The following RIPOR2 variants were observed in gnomAD, a reference collection of about 807,000 sequenced individuals.
RIPOR2 encodes the protein rho family-interacting cell polarization regulator 2.
RIPOR2 carries 39 observed loss-of-function variants against 114.5 expected under a neutral mutation model. That is an observed-to-expected ratio of 0.34 (90% CI 0.26 to 0.44). The LOEUF (loss-of-function observed/expected upper bound fraction) is 0.44. Ranked by LOEUF, RIPOR2 falls within the 20% of genes least tolerant of loss-of-function variation. The pLI, the probability that RIPOR2 is intolerant of heterozygous loss-of-function variation, is 1.00. For synonymous variants in RIPOR2, 445 were observed against 484.4 expected, an observed-to-expected ratio of 0.92 and a Z score of 1.07; for missense variants, 1,007 against 1,255.1, an observed-to-expected ratio of 0.80 and a Z score of 2.99.
chr6:24,914,441 G>T (rs188758083), intron 1 of RIPOR2, among the ~76,000 whole-genome samples: 1 of 152,336 alleles, frequency 6.6e-6, no homozygotes, highest in East Asian at 1.9e-4. Flanking sequence ...CTCTGCTAAG[G>T]GCCGGAGGTA....
chr6:24,983,847 C>A (rs552573761), intron 1 of RIPOR2, among the ~76,000 whole-genome samples: 4 of 150,008 alleles, frequency 2.7e-5, no homozygotes, highest in South Asian at 2.1e-4. Flanking sequence ...CTTTTCTGAG[C>A]CTCTGCAGCT....
intron 18 of RIPOR2, among the ~76,000 whole-genome samples, chr6:24,825,641 T>A (rs1344267093): frequency 1.3e-5 from 2 of 152,114 alleles, no homozygotes; most frequent in Non-Finnish European, 2.9e-5. Flanking sequence ...GCAAAACACA[T>A]GGGAAAAAGT....
intron 1 of RIPOR2, among the ~76,000 whole-genome samples, chr6:24,979,299 T>C (rs1317942292): frequency 6.6e-6 from 1 of 150,824 alleles, no homozygotes; most frequent in Non-Finnish European, 1.5e-5. Context: ...TTTTTTTTTT[T>C]TTTTTTGCTG....
rs1306545993 is a variant in RIPOR2, at chr6:24,942,383, G to A, written c.77-66566C>T. Among the ~76,000 whole-genome samples, 4 of 152,220 alleles carry A rather than the reference G, an allele frequency of 2.6e-5. No individual in the cohort carries two copies. The East Asian group carries it at 5.8e-4, about 22-fold the overall frequency. ...AAAGAGATTGGATATTAGAGAAAACGCTGACATAAAGACCTTTAAAAAGCC... is the reference window on the plus strand; with the variant it reads ...AAAGAGATTGGATATTAGAGAAAACACTGACATAAAGACCTTTAAAAAGCC... On this transcript the variant is annotated intron_variant, in intron 1 of 13. Coordinates refer to the RIPOR2 transcript ENST00000510784.
At chr6:25,007,029 T>A (rs945785595) in intron 1 of RIPOR2, among the ~76,000 whole-genome samples, 13 of 152,144 alleles carry the variant, frequency 8.5e-5, no homozygotes, top group African/African-American at 3.1e-4. Flanking sequence ...GCAGGGAGAG[T>A]TCTCCATAAC....
chr6:24,932,316 G>C (rs1270855057), intron 1 of RIPOR2, among the ~76,000 whole-genome samples: 1 of 16,474 alleles, frequency 6.1e-5, no homozygotes, highest in South Asian at 2.0e-3. Context: ...ACTTAAGACT[G>C]TGTGTGTGTG....
At chr6:24,849,089 A>G (rs11967997) in intron 11 of RIPOR2, among the ~76,000 whole-genome samples, 3,301 of 152,020 alleles carry the variant, frequency 0.022, 129 homozygotes, top group African/African-American at 0.072. Context: ...ATTTTTAGTA[A>G]AGATGGGGTT....
chr6:24,937,892 C>T (rs906520641), upstream of RIPOR2, among the ~76,000 whole-genome samples: 2 of 152,130 alleles, frequency 1.3e-5, no homozygotes, highest in Admixed American at 6.5e-5. Context: ...GCAGCATCCC[C>T]GTGGCTCTTG....
intron 10 of RIPOR2, 39 bp downstream of exon 10, chr6:24,850,558 T>G (rs759814835): frequency 2.5e-6 from 4 of 1,612,416 alleles, no homozygotes. Context: ...CATCCAGCCG[T>G]GGCACCAGGA....
At chr6:25,014,287 A>G (rs1775884487) in intron 1 of RIPOR2, among the ~76,000 whole-genome samples, 4 of 152,214 alleles carry the variant, frequency 2.6e-5, no homozygotes, top group Admixed American at 2.6e-4. Flanking sequence ...CAATGGGTCA[A>G]CTTGCAACTG....
intron 1 of RIPOR2, among the ~76,000 whole-genome samples, chr6:24,996,920 A>G (rs1270752687): frequency 1.3e-5 from 2 of 152,250 alleles, no homozygotes; most frequent in African/African-American, 4.8e-5. Context: ...GGCGGTACAG[A>G]ACAACTACTT....
chr6:24,924,927 TA>T (rs1770753844), intron 1 of RIPOR2, among the ~76,000 whole-genome samples: 1 of 151,974 alleles, frequency 6.6e-6, no homozygotes, highest in Non-Finnish European at 1.5e-5. Context: ...AGAAAGAAAA[TA>T]AAATTTCACA....
chr6:25,025,785 C>G (rs1266349011), intron 1 of RIPOR2, among the ~76,000 whole-genome samples: 1 of 152,082 alleles, frequency 6.6e-6, no homozygotes, highest in Non-Finnish European at 1.5e-5. Context: ...GCAATCTTTC[C>G]CTTCACTTAG....
At chr6:25,021,737 AACTT>A (rs1300930765) in intron 1 of RIPOR2, among the ~76,000 whole-genome samples, 6 of 152,214 alleles carry the variant, frequency 3.9e-5, no homozygotes, top group Admixed American at 2.0e-4. Context: ...ACCACTAAAG[AACTT>A]ACTTATGTAA....
intron 1 of RIPOR2, among the ~76,000 whole-genome samples, chr6:24,967,750 A>G (rs1773591226): frequency 6.6e-6 from 1 of 152,144 alleles, no homozygotes; most frequent in Non-Finnish European, 1.5e-5. Context: ...GCCTTGAAAG[A>G]TAGGCATTCT....
At chr6:24,961,389 A>G (rs1773300089) in intron 1 of RIPOR2, among the ~76,000 whole-genome samples, 1 of 152,124 alleles carries the variant, frequency 6.6e-6, no homozygotes, top group Non-Finnish European at 1.5e-5. Context: ...AACACCTAAG[A>G]AGTCCCTAGC....
intron 1 of RIPOR2, among the ~76,000 whole-genome samples, chr6:24,924,228 C>A (rs902872816): frequency 2.2e-4 from 33 of 152,298 alleles, no homozygotes; most frequent in South Asian, 6.2e-4. Context: ...TGAGGCCTGG[C>A]ACCATCACTC....
chr6:24,969,416 C>T (rs917698952), intron 1 of RIPOR2, among the ~76,000 whole-genome samples: 1 of 152,286 alleles, frequency 6.6e-6, no homozygotes, highest in Non-Finnish European at 1.5e-5. Flanking sequence ...TTTTAGGGAG[C>T]TGGGATCTAA....
At chr6:24,915,930 C>T (rs778025846) in intron 1 of RIPOR2, among the ~76,000 whole-genome samples, 1 of 152,196 alleles carries the variant, frequency 6.6e-6, no homozygotes, top group African/African-American at 2.4e-5. Flanking sequence ...CATGCAGGCT[C>T]TCAGCTCTGG....
Sources: gnomAD v4.1 joint callset for allele counts (sites outside exome capture counted in the v4.1 genomes callset) on GRCh38, gnomAD v4.1.1 for gene constraint, MANE v1.5 for transcripts, NCBI Gene and HGNC (gene_info 2026-07-23, HGNC 2026-07-21) for gene names.